The following ADGRE1 variants were observed in gnomAD, a reference collection of about 807,000 sequenced individuals.
ADGRE1 encodes adhesion G protein-coupled receptor E1.
In ADGRE1, 82 loss-of-function variants were observed where a neutral mutation model predicts 102.7. The observed-to-expected ratio is 0.80, with a 90% CI of 0.67 to 0.96. The LOEUF is 0.96. ADGRE1 is among the 40% of genes least tolerant of loss of function. ADGRE1 has a pLI of 0.00. For synonymous variants in ADGRE1, 398 were observed against 399.6 expected, an observed-to-expected ratio of 1.00 and a Z score of 0.05; for missense variants, 1,032 against 1,085.3, an observed-to-expected ratio of 0.95 and a Z score of 0.69.
At chr19:6,900,160 C>T (rs910752010) in intron 5 of ADGRE1, among the ~76,000 whole-genome samples, 13 of 151,836 alleles carry the variant, frequency 8.6e-5, no homozygotes, top group Non-Finnish European at 1.3e-4. Flanking sequence ...AGTCATCACA[C>T]CTTGGAGAAT....
At position 6,901,947 on chromosome 19, in the gene ADGRE1, C is replaced by T; in HGVS notation, c.587C>T (p.Ser196Phe). The T allele has an allele frequency of 6.2e-7, 1 of 1,614,196 alleles. No individual in the cohort carries two copies. Among genetic ancestry groups the T allele is most frequent in the Non-Finnish European group, 8.5e-7 (1 of 1,180,034 alleles). The part of the protein sequence containing the change: ...ATCNNTVGNY[S>F]CFCNPGFESS... ...TGTAATAACACTGTTGGAAACTACT[C>T]TTGTTTCTGCAACCCAGGATTTGAA... The change falls in exon 6 of 21, where the codon TCT becomes TTT. Residue 196 changes from serine (S) to phenylalanine (F), a missense_variant. Transcript: ENST00000312053.
chr19:6,932,396 C>T (rs551761181), intron 17 of ADGRE1, among the ~76,000 whole-genome samples: 129 of 151,804 alleles, frequency 8.5e-4, no homozygotes, highest in African/African-American at 3.0e-3. Context: ...TGAACCTGGG[C>T]GGTGGAGCTT....
intron 20 of ADGRE1, among the ~76,000 whole-genome samples, chr19:6,939,666 T>G (rs1444020241): frequency 1.3e-5 from 2 of 152,200 alleles, no homozygotes; most frequent in African/African-American, 4.8e-5. Context: ...CCTTCTTTCA[T>G]GTCTTTGTCT....
At chr19:6,932,914 T>C (rs1171639655) in intron 17 of ADGRE1, among the ~76,000 whole-genome samples, 2 of 152,108 alleles carry the variant, frequency 1.3e-5, no homozygotes, top group African/African-American at 4.8e-5. Flanking sequence ...TGAACAATCA[T>C]GGAAATAATA....
chr19:6,926,348 C>T lies in ADGRE1; in HGVS notation c.1987-18C>T, dbSNP rs757669435. On this transcript the variant is annotated intron_variant, in intron 15 of 20. Coordinates refer to ENST00000312053, the MANE Select transcript of ADGRE1 (RefSeq NM_001974.5). Reference sequence around the variant, plus strand: ...CTCTGGGGTGGAGGATTCTGATGCGCATGCTTCTCCCCTCCAGATGGGCTG... The same window carrying T: ...CTCTGGGGTGGAGGATTCTGATGCGTATGCTTCTCCCCTCCAGATGGGCTG... The T allele has an allele frequency of 2.5e-6, 4 of 1,612,832 alleles. No homozygotes were observed. Among genetic ancestry groups the T allele is most frequent in the Non-Finnish European group, 3.4e-6 (4 of 1,179,644 alleles).
Position 6,926,501 on chromosome 19 carries a change from A to T in ADGRE1, c.2122A>T (p.Ile708Phe), listed in dbSNP as rs771924902. The change falls in exon 16 of 21, where the codon ATC (isoleucine) becomes TTC (phenylalanine). Residue 708 changes from isoleucine (I) to phenylalanine (F), a missense_variant. By Grantham distance (21) the Ile-to-Phe change is conservative. Transcript: ENST00000312053. ...GGTGAATTACTTCAGCTCTCGCAAC[A>T]TCAAGATGCTGCACATCTGTGCCTT... ...KVVNYFSSRN[I>F]KMLHICAFGY... 6.2e-7 allele frequency: 1 copy of T among 1,614,252 alleles called. No individual in the cohort carries two copies. Among genetic ancestry groups the T allele is most frequent in the South Asian group, 1.1e-5 (1 of 91,086 alleles).
Position 6,935,161 on chromosome 19 carries a change from C to G in ADGRE1, c.2381+83C>G, listed in dbSNP as rs1975350497. ...AAGTTCTTTGAGCACTTCTTGTGTG[C>G]TGGGTCCTATGCCTGAGACAGAGGT... On this transcript the variant is annotated intron_variant, in intron 18 of 20. Coordinates refer to ENST00000312053, the MANE Select transcript of ADGRE1 (RefSeq NM_001974.5). 1.6e-5 allele frequency: 17 copies of G among 1,076,228 alleles called. No homozygotes were observed. In the South Asian group the frequency reaches 2.6e-4, roughly 16 times the overall value. The allele number at this position is 1,076,228 out of a possible 1,614,324, so 66.7% of individuals were successfully genotyped here.
At chr19:6,899,416 C>T (rs865912705) in intron 5 of ADGRE1, among the ~76,000 whole-genome samples, 52 of 152,050 alleles carry the variant, frequency 3.4e-4, no homozygotes, top group Non-Finnish European at 6.9e-4. Context: ...CGGTGGCTCA[C>T]GCCTGTAATA....
chr19:6,897,527 C>G lies in ADGRE1; in HGVS notation c.494C>G (p.Ser165Cys). Residue 165 changes from serine (S) to cysteine (C), a missense_variant, in exon 5 of 21, where the codon TCT (serine) becomes TGT (cysteine). By Grantham distance (112) the Ser-to-Cys change is moderately radical. Transcript: ENST00000312053. ...TGCAGCTGTCAAGTTGGATTCATCT[C>G]TAGAAACTCCACCTGTGAAGGTATC... Reference protein sequence around the residue: ...YSCSCQVGFISRNSTCEDVDE... With the variant: ...YSCSCQVGFICRNSTCEDVDE... 6.3e-7 allele frequency: 1 copy of G among 1,576,634 alleles called. No individual in the cohort carries two copies. The highest frequency in any genetic ancestry group is 8.6e-7 in the Non-Finnish European group (1 of 1,166,532).
At chr19:6,920,516 CTTTTTTTTTT>C (rs3053967) in intron 13 of ADGRE1, among the ~76,000 whole-genome samples, 21 of 75,748 alleles carry the variant, frequency 2.8e-4, no homozygotes, top group African/African-American at 7.1e-4. Flanking sequence ...ACCATGCCCG[CTTTTTTTTTT>C]TTTTTTTTTT....
chr19:6,927,749 C>T (rs765358574), intron 16 of ADGRE1, among the ~76,000 whole-genome samples: 2 of 152,050 alleles, frequency 1.3e-5, no homozygotes, highest in Non-Finnish European at 2.9e-5. Flanking sequence ...GCAACCTCCA[C>T]CTCCTGGGTT....
intron 12 of ADGRE1, among the ~76,000 whole-genome samples, chr19:6,918,964 A>C (rs893030266): frequency 6.6e-6 from 1 of 152,010 alleles, no homozygotes; most frequent in African/African-American, 2.4e-5. Flanking sequence ...ACCTCAAGTG[A>C]TCCACTTGCC....
chr19:6,917,168 G>A (rs1037646122), intron 12 of ADGRE1, among the ~76,000 whole-genome samples: 2 of 152,164 alleles, frequency 1.3e-5, no homozygotes, highest in African/African-American at 4.8e-5. Context: ...TAAAAAAGTA[G>A]GTGACAACCA....
intron 2 of ADGRE1, among the ~76,000 whole-genome samples, chr19:6,890,905 C>A (rs1330552431): frequency 6.6e-6 from 1 of 152,096 alleles, no homozygotes; most frequent in East Asian, 1.9e-4. Context: ...ATGGAATTTA[C>A]TCAAACTACA....
intron 12 of ADGRE1, among the ~76,000 whole-genome samples, chr19:6,918,734 G>A (rs1293674344): frequency 6.6e-6 from 1 of 152,092 alleles, no homozygotes; most frequent in African/African-American, 2.4e-5. Context: ...GCACTGGGAG[G>A]TCTGTTTTGT....
At chr19:6,900,795 T>C (rs1973740423) in intron 5 of ADGRE1, among the ~76,000 whole-genome samples, 1 of 152,238 alleles carries the variant, frequency 6.6e-6, no homozygotes, top group African/African-American at 2.4e-5. Context: ...AAATCATCTC[T>C]GCCTTTGCTA....
intron 5 of ADGRE1, among the ~76,000 whole-genome samples, chr19:6,900,877 A>G (rs1215777753): frequency 6.6e-6 from 1 of 152,198 alleles, no homozygotes; most frequent in Non-Finnish European, 1.5e-5. Flanking sequence ...AACAACCACC[A>G]TATATTTAGC....
At position 6,940,054 on chromosome 19, in the gene ADGRE1, C is replaced by A. The variant is rs1352921359; in HGVS notation, c.*25C>A. On this transcript the variant is annotated 3_prime_UTR_variant, in exon 21 of 21. Coordinates refer to ENST00000312053, the MANE Select transcript of ADGRE1 (RefSeq NM_001974.5). ...AAGTCCTTTCTTGCTTTCAAATATGCTATGGAGCCACAGTTGAGGACAGTA... is the reference window on the plus strand; with the variant it reads ...AAGTCCTTTCTTGCTTTCAAATATGATATGGAGCCACAGTTGAGGACAGTA... The A allele has an allele frequency of 2.9e-5, 47 of 1,612,830 alleles. 1 individual carries two copies. Among genetic ancestry groups the A allele is most frequent in the Non-Finnish European group, 3.9e-5 (46 of 1,179,420 alleles).
At position 6,901,914 on chromosome 19, in the gene ADGRE1, A is replaced by T; in HGVS notation, c.554A>T (p.His185Leu). 1 of 1,614,218 alleles carries T rather than the reference A, an allele frequency of 6.2e-7. No homozygotes were observed. The highest frequency in any genetic ancestry group is 8.5e-7 in the Non-Finnish European group (1 of 1,180,034). ...ECADPRACPE[H>L]ATCNNTVGNY... is the part of the protein sequence containing the mutation. ...GCAGATCCAAGAGCTTGCCCAGAGC[A>T]TGCAACTTGTAATAACACTGTTGGA... Residue 185 changes from histidine (H) to leucine (L), a missense_variant, in exon 6 of 21, where the codon CAT becomes CTT. Coordinates refer to ENST00000312053, the MANE Select transcript of ADGRE1 (RefSeq NM_001974.5).
Sources: allele counts gnomAD v4.1 joint callset (sites outside exome capture counted in the v4.1 genomes callset), GRCh38; gene constraint gnomAD v4.1.1; transcripts MANE v1.5; gene names NCBI Gene and HGNC (gene_info 2026-07-23, HGNC 2026-07-21).